Variants in CROCC observed in about 807,000 individuals in gnomAD.
CROCC encodes the protein ciliary rootlet coiled-coil, rootletin.
A neutral mutation model predicts 245.2 loss-of-function variants in CROCC; 180 were observed. The observed-to-expected ratio is 0.73, with a 90% CI of 0.65 to 0.83. The LOEUF (loss-of-function observed/expected upper bound fraction) is 0.83. Among genes scored for constraint, CROCC ranks in the 40% least tolerant of loss-of-function variants. The pLI, the probability that CROCC is intolerant of heterozygous loss-of-function variation, is 0.00. For synonymous variants in CROCC, 1,205 were observed against 1,241.6 expected, an observed-to-expected ratio of 0.97 and a Z score of 0.62; for missense variants, 2,688 against 2,779.4, an observed-to-expected ratio of 0.97 and a Z score of 0.74.
At position 16,939,111 on chromosome 1, in the gene CROCC, C is replaced by T. The variant is rs753125070; in HGVS notation, c.1577C>T (p.Ser526Phe). ...SDSSTLALIH[S>F]ALHKRQLQVQ... ...TCCTCCACGCTCGCCCTGATCCACT[C>T]CGCCCTGCACAAGCGCCAGCTGCAG... The change falls in exon 12 of 37, where the codon TCC (serine) becomes TTC (phenylalanine). Residue 526 changes from serine (S) to phenylalanine (F), a missense_variant. Transcript: ENST00000375541. The T allele has an allele frequency of 1.3e-6, 2 of 1,548,780 alleles. No homozygotes were observed. Among genetic ancestry groups the T allele is most frequent in the East Asian group, 2.4e-5 (1 of 42,502 alleles).
upstream of CROCC, among the ~76,000 whole-genome samples, chr1:16,921,016 T>A (rs1305598504): frequency 6.6e-6 from 1 of 152,262 alleles, no homozygotes; most frequent in East Asian, 1.9e-4. Flanking sequence ...AATGCCGAGA[T>A]TACAGGCATG....
In CROCC at chr1:16,954,314, A is replaced by T. The variant is rs780881682; in HGVS notation, c.3278A>T (p.Glu1093Val). The change falls in exon 22 of 37, where the codon GAG (glutamate) becomes GTG (valine). Residue 1093 changes from glutamate to valine, a missense_variant. By Grantham distance (121) the Glu-to-Val change is moderately radical (BLOSUM62 -2). Transcript: ENST00000375541. The surrounding 1 kb of genome is among the most constrained non-coding windows in gnomAD (Gnocchi z 4.4). ...HSLATISLEMERQKRDAQSRQ... is the reference protein window; with the variant it reads ...HSLATISLEMVRQKRDAQSRQ... ...CTGGCCACCATCTCCCTGGAGATGG[A>T]GCGGCAGAAACGAGATGCCCAGAGC... The T allele has an allele frequency of 3.1e-6, 5 of 1,612,046 alleles. No individual in the cohort carries two copies. The East Asian group carries it at 1.1e-4, about 36-fold the overall frequency.
intron 17 of CROCC, 138 bp from the exon 18 acceptor site, chr1:16,948,193 A>C (rs188217265): frequency 1.4e-6 from 2 of 1,403,480 alleles, no homozygotes; most frequent in East Asian, 2.5e-5. Flanking sequence ...GCCCAAGTAC[A>C]TGTAGCACAT....
At chr1:16,964,358 CCTTA>C (rs1464530949) in intron 27 of CROCC, among the ~76,000 whole-genome samples, 9 of 150,712 alleles carry the variant, frequency 6.0e-5, no homozygotes, top group Admixed American at 1.3e-4. Context: ...TTCCTTCCTT[CCTTA>C]CTTTCTTTTC....
intron 2 of CROCC, 36 bp downstream of exon 2, chr1:16,922,834 C>T (rs2075440156): frequency 1.3e-6 from 2 of 1,599,300 alleles, no homozygotes. Flanking sequence ...ACAAACACCA[C>T]CCACATTTTA....
In CROCC at chr1:16,946,911, G is replaced by A; in HGVS notation, c.2434G>A (p.Glu812Lys). 1 of 1,564,258 alleles carries A rather than the reference G, an allele frequency of 6.4e-7. No individual in the cohort carries two copies. Among genetic ancestry groups the A allele is most frequent in the Non-Finnish European group, 8.7e-7 (1 of 1,154,896 alleles). ...QGLEGSLRVA[E>K]QAQEALEQQL... ...CCTGGAGGGCTCCCTACGAGTGGCG[G>A]AGCAGGCCCAGGAGGCATTGGAGCA... Residue 812 changes from glutamate to lysine, a missense_variant, in exon 17 of 37, where the codon GAG (glutamate) becomes AAG (lysine). Physicochemically the swap from Glu to Lys is moderately conservative, Grantham distance 56. This residue lies in a region of CROCC where 295 missense variants were observed against 241.7 expected (regional missense o/e 1.22). Transcript: ENST00000375541.
Position 16,961,059 on chromosome 1 carries a change from G to A in CROCC, c.4334G>A (p.Gly1445Asp). 7.5e-7 allele frequency: 1 copy of A among 1,336,522 alleles called. No individual in the cohort carries two copies. Among genetic ancestry groups the A allele is most frequent in the Non-Finnish European group, 9.5e-7 (1 of 1,048,930 alleles). 82.8% of individuals were successfully genotyped at this position (1,336,522 alleles called of 1,614,324 possible). The change falls in exon 27 of 37, where the codon GGC becomes GAC. Residue 1445 changes from glycine (G) to aspartate (D), a missense_variant. Gly to Asp is a moderately conservative substitution (Grantham distance 94, BLOSUM62 -1). Around this residue, in one of 9 missense-constraint regions of CROCC, gnomAD observed 1,218 missense variants for 1,286.3 expected, o/e 0.95. Coordinates refer to ENST00000375541, the MANE Select transcript of CROCC (RefSeq NM_014675.5). ...GLRSALRRGL[G>D]LGRAPSPAPR... is the part of the protein sequence containing the mutation. ...CGCTCGGCTCTGCGCCGGGGCCTCG[G>A]CCTCGGTCGCGCGCCCAGCCCAGCC...
In CROCC at chr1:16,953,336, C is replaced by T. The variant is rs780500687; in HGVS notation, c.3041C>T (p.Ala1014Val). Reference sequence around the variant, plus strand: ...TGGCGGGAGCTGGAGGCCGAGCGGGCCCAGCTGCAGAGTCAGCTGCAGCGT... The same window carrying T: ...TGGCGGGAGCTGGAGGCCGAGCGGGTCCAGCTGCAGAGTCAGCTGCAGCGT... ...AAWRELEAER[A>V]QLQSQLQREQ... The change falls in exon 21 of 37, where the codon GCC becomes GTC. Residue 1014 changes from alanine to valine, a missense_variant. Transcript: ENST00000375541. The T allele has an allele frequency of 6.2e-7, 1 of 1,601,628 alleles. No individual in the cohort carries two copies. The highest frequency in any genetic ancestry group is 1.1e-5 in the South Asian group (1 of 89,380).
upstream of CROCC, among the ~76,000 whole-genome samples, chr1:16,920,725 G>A (rs1225676959): frequency 6.0e-5 from 9 of 150,388 alleles, no homozygotes; most frequent in Non-Finnish European, 1.2e-4. Context: ...CAGGGCCCTG[G>A]GATATAGGGA....
In CROCC at chr1:16,926,163, G is replaced by A. The variant is rs1475300300; in HGVS notation, c.351+1684G>A. ...CCCAAATGGCACGCAGAGGGCGCCC[G>A]CTGCTTCAGTTGTCCTCTATCCACC... is the stretch of plus-strand genomic sequence containing the variant. On this transcript the variant is annotated intron_variant, in intron 3 of 36. Coordinates refer to ENST00000375541, the MANE Select transcript of CROCC (RefSeq NM_014675.5). 3.9e-5 allele frequency among the ~76,000 whole-genome samples: 6 copies of A among 152,384 alleles called. No homozygotes were observed. The East Asian group carries it at 7.7e-4, about 20-fold the overall frequency.
chr1:16,930,494 A>G lies in CROCC; in HGVS notation c.749A>G (p.Asn250Ser), dbSNP rs1240712175. The change falls in exon 7 of 37, where the codon AAC (asparagine) becomes AGC (serine). Residue 250 changes from asparagine to serine, a missense_variant. By Grantham distance (46) the Asn-to-Ser change is conservative. Transcript: ENST00000375541. ...CAGCTGGACCAGGCAGGCTCGGCCA[A>G]CCAGGCTCTGAGTGAGGACATACGA... ...REQLDQAGSA[N>S]QALSEDIRKV... 3 of 1,612,436 alleles carry G rather than the reference A, an allele frequency of 1.9e-6. No homozygotes were observed. Among genetic ancestry groups the G allele is most frequent in the Admixed American group, 3.3e-5 (2 of 60,028 alleles).
chr1:16,930,270 C>T lies in CROCC; in HGVS notation c.622-16C>T. Reference sequence around the variant, plus strand: ...CCACCTGCCCAACCTGATGCTTTAACCTCTCTCCCACCCAGGACACAGAGC... The same window carrying T: ...CCACCTGCCCAACCTGATGCTTTAATCTCTCTCCCACCCAGGACACAGAGC... On this transcript the variant is annotated splice_polypyrimidine_tract_variant and intron_variant, in intron 5 of 36. Transcript: ENST00000375541. 1 of 1,597,328 alleles carries T rather than the reference C, an allele frequency of 6.3e-7. No individual in the cohort carries two copies. The highest frequency in any genetic ancestry group is 1.1e-5 in the South Asian group (1 of 88,720).
intron 3 of CROCC, among the ~76,000 whole-genome samples, chr1:16,928,609 C>G (rs1369486087): frequency 6.6e-6 from 1 of 151,952 alleles, no homozygotes; most frequent in Non-Finnish European, 1.5e-5. Flanking sequence ...CGAGACCAGC[C>G]TGGCCAACAT....
In CROCC at chr1:16,955,431, C is replaced by T; in HGVS notation, c.3585C>T (p.Arg1195=). The change falls in exon 24 of 37, where the codon CGC becomes CGT. Residue 1195 remains arginine (R), a synonymous_variant. Transcript: ENST00000375541. ...GCCAGGAGGGCCGGGAGGTGCAGCG[C>T]CAGGAGGCAGGCGAGCTGCGACGCA... ...RESQEGREVQ[R]QEAGELRRSL... 6.2e-7 allele frequency: 1 copy of T among 1,600,126 alleles called. No homozygotes were observed. Among genetic ancestry groups the T allele is most frequent in the Non-Finnish European group, 8.5e-7 (1 of 1,176,582 alleles).
At chr1:16,951,371 C>T (rs1241744665) in intron 20 of CROCC, 2 of 350,904 alleles carry the variant, frequency 5.7e-6, no homozygotes, top group East Asian at 4.6e-5. Context: ...TTGGGAAATA[C>T]TGACCTAATG....
chr1:16,936,120 T>C (rs907601872), intron 8 of CROCC, among the ~76,000 whole-genome samples: 1 of 152,246 alleles, frequency 6.6e-6, no homozygotes, highest in African/African-American at 2.4e-5. Flanking sequence ...GTTTTTTTTT[T>C]CTTCCTCTTT....
intron 36 of CROCC, among the ~76,000 whole-genome samples, 167 bp downstream of exon 36, chr1:16,971,814 G>A (rs1011496911): frequency 3.3e-5 from 5 of 152,208 alleles, no homozygotes; most frequent in African/African-American, 9.6e-5. Context: ...CCGGGGCCAC[G>A]GGATGCTCCT....
chr1:16,939,465 T>G (rs1011281117), intron 12 of CROCC, among the ~76,000 whole-genome samples: 1 of 152,048 alleles, frequency 6.6e-6, no homozygotes, highest in Non-Finnish European at 1.5e-5. Flanking sequence ...AGGTCCCTGG[T>G]CATACAGAGC....
In CROCC at chr1:16,948,602, G is replaced by A. The variant is rs749217896; in HGVS notation, c.2708+78G>A. 43 of 1,472,308 alleles carry A rather than the reference G, an allele frequency of 2.9e-5. No individual in the cohort carries two copies. In the South Asian group the frequency reaches 3.0e-4, roughly 10 times the overall value. 91.2% of individuals were successfully genotyped at this position (1,472,308 alleles called of 1,614,324 possible). A position where few individuals can be genotyped will look rare whatever the true frequency, so the allele number is the denominator to read the frequency against. ...ACCATGACCAGCCACACGCAGGCAC[G>A]GGCCCCCAGGGGCAGTTACTAAGGA... On this transcript the variant is annotated intron_variant, in intron 18 of 36. Coordinates refer to ENST00000375541, the MANE Select transcript of CROCC (RefSeq NM_014675.5).
Sources: gnomAD v4.1 joint callset for allele counts (sites outside exome capture counted in the v4.1 genomes callset) on GRCh38, gnomAD v4.1.1 for gene constraint, gnomAD v4.1.1 regional missense constraint, Gnocchi (gnomAD v3.1) non-coding constraint, MANE v1.5 for transcripts, NCBI Gene and HGNC (gene_info 2026-07-23, HGNC 2026-07-21) for gene names.